Variants in RBFOX1 observed in about 807,000 individuals in gnomAD.
The protein encoded by RBFOX1 is RNA binding protein fox-1 homolog 1.
In RBFOX1, 8 loss-of-function variants were observed where a neutral mutation model predicts 57.7. The ratio of observed to expected loss-of-function variants is 0.14; its 90% CI spans 0.08 to 0.25. RBFOX1 has a LOEUF of 0.25. Ranked by LOEUF, RBFOX1 falls within the 10% of genes least tolerant of loss-of-function variation. RBFOX1 has a pLI of 1.00. For missense variants in RBFOX1, 611 were observed against 548.5 expected, an observed-to-expected ratio of 1.11 and a Z score of -1.14; for synonymous variants, 326 against 222.4, an observed-to-expected ratio of 1.47 and a Z score of -4.15.
intron 4 of RBFOX1, among the ~76,000 whole-genome samples, chr16:7,447,996 C>T (rs1173794662): frequency 6.6e-6 from 1 of 152,138 alleles, no homozygotes; most frequent in Non-Finnish European, 1.5e-5. Flanking sequence ...GTAGGGATTT[C>T]CACTCTTTAG....
chr16:7,236,451 T>C (rs566544699), intron 4 of RBFOX1, among the ~76,000 whole-genome samples: 2 of 152,158 alleles, frequency 1.3e-5, no homozygotes, highest in African/African-American at 2.4e-5. Context: ...TCCGCTGTCA[T>C]GCAATCTGGC....
chr16:6,840,792 C>T (rs1423594909), intron 3 of RBFOX1, among the ~76,000 whole-genome samples: 2 of 149,454 alleles, frequency 1.3e-5, no homozygotes, highest in Non-Finnish European at 3.0e-5. Flanking sequence ...GAGGCTGAGG[C>T]AGGAGAATTG....
At chr16:5,320,327 A>C (rs1377442671) in intron 1 of RBFOX1, among the ~76,000 whole-genome samples, 1 of 152,194 alleles carries the variant, frequency 6.6e-6, no homozygotes, top group African/African-American at 2.4e-5. Context: ...AAAGGTGCAG[A>C]GTTGGGAAGT....
intron 4 of RBFOX1, among the ~76,000 whole-genome samples, chr16:7,108,528 T>G (rs916196393): frequency 1.3e-5 from 2 of 152,178 alleles, no homozygotes; most frequent in Admixed American, 6.6e-5. Flanking sequence ...GTACTGAGTA[T>G]ATGGTGGTGC....
chr16:7,118,141 T>G (rs1207245071), intron 4 of RBFOX1, among the ~76,000 whole-genome samples: 1 of 152,196 alleles, frequency 6.6e-6, no homozygotes, highest in African/African-American at 2.4e-5. Flanking sequence ...TTTAGCTCTT[T>G]GAGAAATCTG....
chr16:7,000,630 C>T (rs1224211322), intron 3 of RBFOX1, among the ~76,000 whole-genome samples: 5 of 106,508 alleles, frequency 4.7e-5, no homozygotes, highest in Admixed American at 1.5e-4. Flanking sequence ...GACAGAGTCT[C>T]GCTCTCCTCT....
chr16:6,610,183 C>G (rs775239908), intron 2 of RBFOX1, among the ~76,000 whole-genome samples: 4 of 152,164 alleles, frequency 2.6e-5, no homozygotes, highest in Admixed American at 1.3e-4. Context: ...GTGCATTAGA[C>G]TAAATTATCA....
chr16:6,942,039 G>C (rs768513872), intron 3 of RBFOX1, among the ~76,000 whole-genome samples: 5 of 152,080 alleles, frequency 3.3e-5, no homozygotes, highest in Admixed American at 6.6e-5. Context: ...GAGCAGCCTG[G>C]CCAAAATGGT....
chr16:7,297,099 G>C (rs545390494), intron 4 of RBFOX1, among the ~76,000 whole-genome samples: 2 of 152,134 alleles, frequency 1.3e-5, no homozygotes, highest in Non-Finnish European at 2.9e-5. Flanking sequence ...AAGGCTCAAG[G>C]GTCAAGGGAG....
intron 4 of RBFOX1, among the ~76,000 whole-genome samples, chr16:7,504,968 G>A (rs971351813): frequency 2.0e-5 from 3 of 149,440 alleles, no homozygotes; most frequent in African/African-American, 7.5e-5. Context: ...CCTTTCCAGC[G>A]CGAAATGCTT....
intron 1 of RBFOX1, among the ~76,000 whole-genome samples, chr16:5,314,214 A>G (rs1424578403): frequency 6.6e-6 from 1 of 152,208 alleles, no homozygotes; most frequent in African/African-American, 2.4e-5. Context: ...ATGGAGTTGG[A>G]GTCTAAGCTT....
chr16:6,229,182 C>T (rs886870656), intron 1 of RBFOX1, among the ~76,000 whole-genome samples: 110 of 152,262 alleles, frequency 7.2e-4, no homozygotes, highest in Admixed American at 7.2e-3. Flanking sequence ...TAATGTCATT[C>T]TGTAGTCTGA....
intron 4 of RBFOX1, among the ~76,000 whole-genome samples, chr16:5,984,976 ATTTTTTTT>A (rs869160414): frequency 1.8e-5 from 1 of 55,704 alleles, no homozygotes; most frequent in East Asian, 6.1e-4. Context: ...ATATATATAT[ATTTTTTTT>A]TTTTTTTTTT....
chr16:6,814,279 C>T (rs2089535989), intron 3 of RBFOX1, among the ~76,000 whole-genome samples: 1 of 151,888 alleles, frequency 6.6e-6, no homozygotes, highest in Non-Finnish European at 1.5e-5. Flanking sequence ...CTAAGAGAGT[C>T]AGAAATGTCC....
At chr16:7,371,086 G>C (rs1185231673) in intron 4 of RBFOX1, among the ~76,000 whole-genome samples, 2 of 152,106 alleles carry the variant, frequency 1.3e-5, no homozygotes, top group African/African-American at 4.8e-5. Flanking sequence ...TTTTACGCAG[G>C]TTTTCAGAAG....
intron 4 of RBFOX1, among the ~76,000 whole-genome samples, chr16:7,507,037 A>G (rs139461031): frequency 6.6e-6 from 1 of 152,292 alleles, no homozygotes; most frequent in Non-Finnish European, 1.5e-5. Context: ...AGAATAATAT[A>G]TATTACTATT....
intron 3 of RBFOX1, among the ~76,000 whole-genome samples, chr16:6,947,105 G>C (rs1259320042): frequency 4.6e-5 from 7 of 152,200 alleles, no homozygotes; most frequent in Admixed American, 3.9e-4. Flanking sequence ...GGATTTAATG[G>C]GATAAGATCT....
intron 4 of RBFOX1, among the ~76,000 whole-genome samples, chr16:7,067,406 G>C (rs561572936): frequency 6.6e-6 from 1 of 150,804 alleles, no homozygotes; most frequent in South Asian, 2.1e-4. Context: ...CTGAAATGTC[G>C]CCAAGGCTGT....
At chr16:7,214,100 C>G (rs1202375032) in intron 4 of RBFOX1, among the ~76,000 whole-genome samples, 1 of 151,782 alleles carries the variant, frequency 6.6e-6, no homozygotes, top group African/African-American at 2.4e-5. Flanking sequence ...TTTTCCACTT[C>G]TTTCCCCTGC....
Sources: allele counts gnomAD v4.1 joint callset (sites outside exome capture counted in the v4.1 genomes callset), GRCh38; gene constraint gnomAD v4.1.1; transcripts MANE v1.5; gene names NCBI Gene and HGNC (gene_info 2026-07-23, HGNC 2026-07-21).